The following FAF1 variants were observed in gnomAD, a reference collection of about 807,000 sequenced individuals.
The protein encoded by FAF1 is FAS-associated factor 1.
A neutral mutation model predicts 92.5 loss-of-function variants in FAF1; 25 were observed. The observed-to-expected ratio is 0.27, with a 90% CI of 0.20 to 0.38. FAF1 has a LOEUF of 0.38. Among genes scored for constraint, FAF1 ranks in the 10% least tolerant of loss-of-function variants. The pLI is 1.00. For synonymous variants in FAF1, 234 were observed against 273.2 expected (o/e 0.86, Z 1.42); for missense variants, 636 against 793.3 (o/e 0.80, Z 2.38).
At chr1:50,783,707 C>G (rs973625198) in intron 4 of FAF1, among the ~76,000 whole-genome samples, 15 of 152,086 alleles carry the variant, frequency 9.9e-5, no homozygotes, top group African/African-American at 3.1e-4. Flanking sequence ...AACCCCATCT[C>G]TACTAAAAAT....
chr1:50,640,339 C>T (rs1191676592), intron 8 of FAF1, among the ~76,000 whole-genome samples: 1 of 151,024 alleles, frequency 6.6e-6, no homozygotes, highest in African/African-American at 2.4e-5. Flanking sequence ...GTCGCCCAGG[C>T]TGGAGTGCAG....
intron 4 of FAF1, among the ~76,000 whole-genome samples, chr1:50,783,198 C>G (rs1189219716): frequency 6.6e-6 from 1 of 152,074 alleles, no homozygotes; most frequent in Non-Finnish European, 1.5e-5. Flanking sequence ...TACAACTAGT[C>G]TGTTATAGAG....
chr1:50,952,176 T>C (rs1645219832), intron 1 of FAF1, among the ~76,000 whole-genome samples: 1 of 152,350 alleles, frequency 6.6e-6, no homozygotes, highest in Admixed American at 6.5e-5. Flanking sequence ...TGGACTGGAC[T>C]GCCGCCATCT....
intron 1 of FAF1, among the ~76,000 whole-genome samples, chr1:50,921,047 GAAGA>G (rs1441952334): frequency 6.6e-6 from 1 of 152,158 alleles, no homozygotes; most frequent in African/African-American, 2.4e-5. Flanking sequence ...AAAACCTCTA[GAAGA>G]AATAAGTAAA....
chr1:50,768,688 G>A (rs1660668821), intron 4 of FAF1, among the ~76,000 whole-genome samples: 1 of 151,994 alleles, frequency 6.6e-6, no homozygotes, highest in Non-Finnish European at 1.5e-5. Flanking sequence ...ATGACTATGG[G>A]GTAAATAATA....
At chr1:50,501,807 A>G (rs1477135288) in intron 15 of FAF1, among the ~76,000 whole-genome samples, 1 of 152,210 alleles carries the variant, frequency 6.6e-6, no homozygotes, top group East Asian at 1.9e-4. Context: ...AAAGTTATGC[A>G]TCTATCTACT....
chr1:50,646,260 C>T (rs905162239), intron 8 of FAF1, among the ~76,000 whole-genome samples: 3 of 152,194 alleles, frequency 2.0e-5, no homozygotes, highest in African/African-American at 7.2e-5. Context: ...TATATACACA[C>T]ACACACATTG....
chr1:50,621,635 G>C (rs1213388564), intron 8 of FAF1, among the ~76,000 whole-genome samples: 1 of 151,686 alleles, frequency 6.6e-6, no homozygotes, highest in Non-Finnish European at 1.5e-5. Context: ...CCTGAGCTCA[G>C]GTGATCCACC....
chr1:50,732,041 A>C (rs1658946470), intron 6 of FAF1, among the ~76,000 whole-genome samples: 2 of 152,002 alleles, frequency 1.3e-5, no homozygotes, highest in South Asian at 4.1e-4. Flanking sequence ...ATAGCTGACA[A>C]AGATGTATTG....
chr1:50,562,509 G>C (rs531573439), intron 13 of FAF1, among the ~76,000 whole-genome samples: 20 of 152,240 alleles, frequency 1.3e-4, no homozygotes, highest in Admixed American at 5.2e-4. Context: ...AAAAGACTAG[G>C]AATGCTACTA....
intron 17 of FAF1, among the ~76,000 whole-genome samples, chr1:50,481,963 T>C (rs1300166992): frequency 6.6e-6 from 1 of 152,164 alleles, no homozygotes; most frequent in Non-Finnish European, 1.5e-5. Flanking sequence ...AGATCATATA[T>C]GGCTTTGGGA....
intron 1 of FAF1, among the ~76,000 whole-genome samples, chr1:50,875,296 T>A (rs990490532): frequency 6.6e-6 from 1 of 152,120 alleles, no homozygotes; most frequent in Non-Finnish European, 1.5e-5. Flanking sequence ...TTGAATATAT[T>A]TATCACGTAC....
At chr1:50,861,276 T>G (rs1644429901) in intron 1 of FAF1, among the ~76,000 whole-genome samples, 1 of 151,900 alleles carries the variant, frequency 6.6e-6, no homozygotes. Context: ...ATGGATTGAA[T>G]ATCTGTATCC....
At chr1:50,524,903 T>C (rs902148613) in intron 15 of FAF1, among the ~76,000 whole-genome samples, 1 of 152,096 alleles carries the variant, frequency 6.6e-6, no homozygotes, top group African/African-American at 2.4e-5. Flanking sequence ...TTTTTTTTTT[T>C]GAGACAGAAT....
intron 1 of FAF1, among the ~76,000 whole-genome samples, chr1:50,945,193 C>T (rs774901442): frequency 7.9e-5 from 12 of 152,164 alleles, no homozygotes; most frequent in Non-Finnish European, 1.8e-4. Flanking sequence ...TACTGTTAGA[C>T]TGCAAACAGT....
chr1:50,621,475 C>T (rs1295631551), intron 8 of FAF1, among the ~76,000 whole-genome samples: 1 of 140,612 alleles, frequency 7.1e-6, no homozygotes, highest in Non-Finnish European at 1.5e-5. Flanking sequence ...TCTCAGCTCA[C>T]TGCAACCTTC....
chr1:50,530,060 G>T (rs1247993698), intron 15 of FAF1, among the ~76,000 whole-genome samples: 1 of 152,068 alleles, frequency 6.6e-6, no homozygotes, highest in African/African-American at 2.4e-5. Flanking sequence ...TCTCCTTGAA[G>T]TTACTTTTAA....
chr1:50,561,316 A>C (rs1023305659), intron 13 of FAF1, among the ~76,000 whole-genome samples: 3 of 152,178 alleles, frequency 2.0e-5, no homozygotes, highest in Admixed American at 6.5e-5. Context: ...CAGAAGATCA[A>C]GTATCCAGTC....
chr1:50,581,194 C>G (rs1189825897), intron 12 of FAF1, among the ~76,000 whole-genome samples: 1 of 152,142 alleles, frequency 6.6e-6, no homozygotes, highest in East Asian at 1.9e-4. Flanking sequence ...TTGCTTAAAA[C>G]AGCTTTTAAA....
Sources: gnomAD v4.1 joint callset for allele counts (sites outside exome capture counted in the v4.1 genomes callset) on GRCh38, gnomAD v4.1.1 for gene constraint, MANE v1.5 for transcripts, NCBI Gene and HGNC (gene_info 2026-07-23, HGNC 2026-07-21) for gene names.